The following GRIK2 variants were observed in gnomAD, a reference collection of about 807,000 sequenced individuals.
GRIK2 encodes glutamate receptor ionotropic, kainate 2.
A neutral mutation model predicts 100.3 loss-of-function variants in GRIK2; 32 were observed. The observed-to-expected ratio is 0.32, with a 90% confidence interval of 0.24 to 0.43. GRIK2 has a LOEUF of 0.43. GRIK2 is among the 20% of genes least tolerant of loss of function. GRIK2 has a pLI of 1.00. For synonymous variants in GRIK2, 417 were observed against 389.4 expected, an observed-to-expected ratio of 1.07 and a Z score of -0.83; for missense variants, 843 against 1,114.9, an observed-to-expected ratio of 0.76 and a Z score of 3.47.
chr6:102,039,086 C>T (rs767128573), intron 15 of GRIK2, among the ~76,000 whole-genome samples: 1 of 151,410 alleles, frequency 6.6e-6, no homozygotes, highest in Non-Finnish European at 1.5e-5. Context: ...TCTTCTTAGC[C>T]TGCCATGCCT....
chr6:101,911,733 A>T (rs1487324328), intron 12 of GRIK2, among the ~76,000 whole-genome samples: 1 of 151,490 alleles, frequency 6.6e-6, no homozygotes, highest in East Asian at 1.9e-4. Flanking sequence ...AACAACATTC[A>T]AAGAGTAAAA....
intron 2 of GRIK2, among the ~76,000 whole-genome samples, chr6:101,491,724 A>G (rs1287956843): frequency 1.3e-5 from 2 of 151,988 alleles, no homozygotes; most frequent in Non-Finnish European, 2.9e-5. Flanking sequence ...TTTCTTACAT[A>G]CTATACTATT....
At chr6:102,022,816 A>G (rs774495859) in intron 14 of GRIK2, among the ~76,000 whole-genome samples, 3 of 151,662 alleles carry the variant, frequency 2.0e-5, no homozygotes, top group Non-Finnish European at 3.0e-5. Context: ...TGTGCCTGCT[A>G]GAGCTTTGGC....
At chr6:101,861,087 A>G (rs1784708420) in intron 11 of GRIK2, among the ~76,000 whole-genome samples, 1 of 152,196 alleles carries the variant, frequency 6.6e-6, no homozygotes, top group Admixed American at 6.5e-5. Context: ...GCATGCCTTG[A>G]AAACACTGCC....
At chr6:101,938,373 A>T (rs973838999) in intron 14 of GRIK2, among the ~76,000 whole-genome samples, 2 of 152,112 alleles carry the variant, frequency 1.3e-5, no homozygotes, top group Non-Finnish European at 2.9e-5. Context: ...CCTTAACTCC[A>T]GATAGATCAG....
At chr6:101,435,448 A>G (rs186537203) in intron 2 of GRIK2, among the ~76,000 whole-genome samples, 1 of 151,218 alleles carries the variant, frequency 6.6e-6, no homozygotes, top group African/African-American at 2.4e-5. Flanking sequence ...ATTGGGGAAT[A>G]GCAACCCCCT....
chr6:101,756,441 A>C (rs1400826326), intron 7 of GRIK2, among the ~76,000 whole-genome samples: 1 of 152,240 alleles, frequency 6.6e-6, no homozygotes, highest in African/African-American at 2.4e-5. Flanking sequence ...GGTTACATTT[A>C]TAATCTGAAA....
intron 10 of GRIK2, among the ~76,000 whole-genome samples, chr6:101,851,664 G>T (rs952546132): frequency 4.8e-4 from 72 of 151,460 alleles, no homozygotes; most frequent in African/African-American, 1.7e-3. Context: ...AATGAATTTT[G>T]TGTATTTTAT....
At chr6:101,890,213 A>G (rs1242871822) in intron 12 of GRIK2, 1 of 167,396 alleles carries the variant, frequency 6.0e-6, no homozygotes, top group Non-Finnish European at 1.3e-5. Context: ...AACTTGAGTT[A>G]ATAATTCAGT....
chr6:101,591,364 C>T (rs1424639070), intron 2 of GRIK2, among the ~76,000 whole-genome samples: 4 of 151,762 alleles, frequency 2.6e-5, no homozygotes, highest in Admixed American at 2.0e-4. Context: ...AGCTTATCTA[C>T]CCTCCCCACA....
chr6:101,755,137 C>A (rs893994061), intron 7 of GRIK2, among the ~76,000 whole-genome samples: 8 of 147,966 alleles, frequency 5.4e-5, no homozygotes, highest in Non-Finnish European at 1.2e-4. Flanking sequence ...TAGCATAAAT[C>A]ATTTCTTTTC....
intron 7 of GRIK2, among the ~76,000 whole-genome samples, chr6:101,763,475 T>C (rs1341725414): frequency 2.0e-5 from 3 of 152,224 alleles, no homozygotes; most frequent in Admixed American, 6.5e-5. Context: ...ACATTTCTTG[T>C]CTGATTTTTC....
At chr6:101,437,221 C>T (rs1769773022) in intron 2 of GRIK2, among the ~76,000 whole-genome samples, 1 of 152,016 alleles carries the variant, frequency 6.6e-6, no homozygotes, top group African/African-American at 2.4e-5. Context: ...GAAAAATCCT[C>T]TGTTTCCATT....
At chr6:102,012,090 G>T (rs956282879) in intron 14 of GRIK2, among the ~76,000 whole-genome samples, 1 of 152,040 alleles carries the variant, frequency 6.6e-6, no homozygotes, top group Non-Finnish European at 1.5e-5. Context: ...TTTTTTTAAA[G>T]TTTTTCTAGC....
At chr6:101,837,565 A>G (rs963819860) in intron 10 of GRIK2, among the ~76,000 whole-genome samples, 2 of 152,200 alleles carry the variant, frequency 1.3e-5, no homozygotes, top group Admixed American at 6.6e-5. Flanking sequence ...AAAAAAAGAA[A>G]AAGGGAAAAT....
chr6:101,445,714 A>C (rs1443413890), intron 2 of GRIK2, among the ~76,000 whole-genome samples: 3 of 152,026 alleles, frequency 2.0e-5, no homozygotes, highest in African/African-American at 7.2e-5. Context: ...CTCTATAGCA[A>C]ATTCTTGCAG....
chr6:101,904,882 A>C (rs1177879922), intron 12 of GRIK2, among the ~76,000 whole-genome samples: 3 of 151,532 alleles, frequency 2.0e-5, no homozygotes, highest in Admixed American at 6.6e-5. Context: ...TGTAGATTTT[A>C]ATTTCATCCA....
At chr6:101,506,792 A>T (rs1231576787) in intron 2 of GRIK2, among the ~76,000 whole-genome samples, 3 of 152,134 alleles carry the variant, frequency 2.0e-5, no homozygotes, top group Non-Finnish European at 4.4e-5. Flanking sequence ...TAAAGATTTG[A>T]GGGAAAGTTT....
At chr6:101,890,001 G>T in intron 12 of GRIK2, 138 bp downstream of exon 12, 1 of 628,804 alleles carries the variant, frequency 1.6e-6, no homozygotes, top group Middle Eastern at 2.9e-4. Flanking sequence ...GAAATTTTAA[G>T]AATCACATTC....
Sources: gnomAD v4.1 joint callset for allele counts (sites outside exome capture counted in the v4.1 genomes callset) on GRCh38, gnomAD v4.1.1 for gene constraint, MANE v1.5 for transcripts, NCBI Gene and HGNC (gene_info 2026-07-23, HGNC 2026-07-21) for gene names.